Variants in ADARB1 observed in about 807,000 individuals in gnomAD.
ADARB1 encodes the protein adenosine deaminase RNA specific B1.
In ADARB1, 10 loss-of-function variants were observed where a neutral mutation model predicts 52.4. That is an observed-to-expected ratio of 0.19 (90% CI 0.12 to 0.32). The LOEUF (loss-of-function observed/expected upper bound fraction) is 0.32, where lower values mean the gene tolerates loss of function less well. Ranked by LOEUF, ADARB1 falls within the 10% of genes least tolerant of loss-of-function variation. The pLI, the probability that ADARB1 is intolerant of heterozygous loss-of-function variation, is 1.00. For synonymous variants in ADARB1, 349 were observed against 371.1 expected (o/e 0.94, Z 0.68); for missense variants, 643 against 922.3 (o/e 0.70, Z 3.92).
intron 2 of ADARB1, among the ~76,000 whole-genome samples, chr21:45,129,705 T>C (rs2088814104): frequency 6.6e-6 from 1 of 151,556 alleles, no homozygotes; most frequent in Non-Finnish European, 1.5e-5. Flanking sequence ...CAGATGGGAG[T>C]GGCTGGTGCA....
intron 1 of ADARB1, among the ~76,000 whole-genome samples, chr21:45,113,659 A>G (rs1163766683): frequency 6.6e-6 from 1 of 151,916 alleles, no homozygotes; most frequent in Non-Finnish European, 1.5e-5. Context: ...CTGCCCTGAG[A>G]GTTGGACCTG....
At position 45,225,686 on chromosome 21, in the gene ADARB1, A is replaced by C; in HGVS notation, c.*3489A>C. 1.4e-5 allele frequency: 12 copies of C among 854,596 alleles called. No homozygotes were observed. Among genetic ancestry groups the C allele is most frequent in the Non-Finnish European group, 1.8e-5 (11 of 617,228 alleles). 52.9% of individuals were successfully genotyped at this position (854,596 alleles called of 1,614,324 possible). A position where few individuals can be genotyped will look rare whatever the true frequency, so the allele number is the denominator to read the frequency against. On this transcript the variant is annotated 3_prime_UTR_variant, in exon 11 of 11. Coordinates refer to ENST00000348831, the MANE Select transcript of ADARB1 (RefSeq NM_001112.4). ...TGTACAGTGGCTCTTTTTCCTTCTC[A>C]AACACTTTACCCCAGAAGCAGGTGG...
chr21:45,126,551 G>A (rs899752567), intron 1 of ADARB1, among the ~76,000 whole-genome samples: 1 of 152,134 alleles, frequency 6.6e-6, no homozygotes. Context: ...TGCGGCGGGT[G>A]TTCCTTGTGT....
At chr21:45,103,307 G>A (rs1265136992) in intron 1 of ADARB1, among the ~76,000 whole-genome samples, 2 of 152,094 alleles carry the variant, frequency 1.3e-5, no homozygotes, top group Non-Finnish European at 2.9e-5. Context: ...ATGGGCCGAG[G>A]TGGGGGCTGG....
At chr21:45,095,232 C>A (rs1263901385) in intron 1 of ADARB1, among the ~76,000 whole-genome samples, 3 of 152,248 alleles carry the variant, frequency 2.0e-5, no homozygotes, top group African/African-American at 7.2e-5. Context: ...AGGAGCCCTG[C>A]AGGTGCAGCC....
rs76409201 is a variant in ADARB1, at chr21:45,083,938, G to A, written c.-220+9145G>A. Among the ~76,000 whole-genome samples, 1,801 of 152,244 alleles carry A rather than the reference G, an allele frequency of 0.012. 85 individuals carry two copies. In the East Asian group the frequency reaches 0.15, roughly 13 times the overall value. On this transcript the variant is annotated intron_variant, in intron 1 of 10. Coordinates refer to ENST00000348831, the MANE Select transcript of ADARB1 (RefSeq NM_001112.4). Reference sequence around the variant, plus strand: ...CTGGTCTCGAGCTCCTGGACTCAAGGGATCCAATTGCCTCGGCCTCCCAAA... The same window carrying A: ...CTGGTCTCGAGCTCCTGGACTCAAGAGATCCAATTGCCTCGGCCTCCCAAA...
Position 45,223,080 on chromosome 21 carries a change from C to A in ADARB1, c.*883C>A. On this transcript the variant is annotated 3_prime_UTR_variant, in exon 11 of 11. Coordinates refer to ENST00000348831, the MANE Select transcript of ADARB1 (RefSeq NM_001112.4). ...TTAACTTTTATGGACTAGAAGGAAT[C>A]ACGAGGGCTACTGCACAATACATGG... 2.0e-6 allele frequency: 2 copies of A among 985,454 alleles called. No individual in the cohort carries two copies. Among genetic ancestry groups the A allele is most frequent in the South Asian group, 9.4e-5 (2 of 21,292 alleles). 61.0% of individuals were successfully genotyped at this position (985,454 alleles called of 1,614,324 possible).
At chr21:45,132,586 C>T (rs1166646668) in intron 2 of ADARB1, among the ~76,000 whole-genome samples, 2 of 152,134 alleles carry the variant, frequency 1.3e-5, no homozygotes, top group African/African-American at 2.4e-5. Context: ...GGCACTGGCT[C>T]CCCAGGGCAC....
intron 9 of ADARB1, among the ~76,000 whole-genome samples, chr21:45,211,780 C>T (rs1220326801): frequency 6.6e-6 from 1 of 152,162 alleles, no homozygotes; most frequent in Non-Finnish European, 1.5e-5. Context: ...GGTTTCTGTA[C>T]CGCGGCCTGG....
rs1310923948 is a variant in ADARB1 at position 45,119,627 on chromosome 21, GT to G, written c.-219-8774del. 3.3e-5 allele frequency among the ~76,000 whole-genome samples: 5 copies of G among 152,216 alleles called. 1 individual carries two copies. Among genetic ancestry groups the G allele is most frequent in the African/African-American group, 1.2e-4 (5 of 41,446 alleles). ...ACTTTGTTACACTTGCCTTGATGGT[GT>G]GTTGCAAGTTAGTTAAATTTCATAT... On this transcript the variant is annotated intron_variant, in intron 1 of 10. Coordinates refer to ENST00000348831, the MANE Select transcript of ADARB1 (RefSeq NM_001112.4).
rs1160333968 is a variant in ADARB1, at chr21:45,176,197, A to T, written c.496A>T (p.Thr166Ser). The part of the protein sequence containing the change: ...GRTLSVNTDF[T>S]SDQADFPDTL... ...GACCCTGTCTGTCAACACGGACTTC[A>T]CATCTGACCAGGCCGACTTCCCTGA... Residue 166 changes from threonine (T) to serine (S), a missense_variant, in exon 4 of 11, where the codon ACA (threonine) becomes TCA (serine). Thr to Ser is a moderately conservative substitution (Grantham distance 58). Transcript: ENST00000348831. The surrounding 1 kb of genome is among the most constrained non-coding windows in gnomAD (Gnocchi z 5.8). 9.9e-6 allele frequency: 16 copies of T among 1,614,144 alleles called. No homozygotes were observed. Among genetic ancestry groups the T allele is most frequent in the Non-Finnish European group, 1.4e-5 (16 of 1,180,022 alleles).
chr21:45,158,588 A>C (rs1434873189), intron 2 of ADARB1, among the ~76,000 whole-genome samples: 3 of 152,080 alleles, frequency 2.0e-5, no homozygotes, highest in Admixed American at 1.3e-4. Flanking sequence ...GACCTCCCCG[A>C]GGCCACTGTG....
chr21:45,090,588 G>T (rs1463629183), intron 1 of ADARB1, among the ~76,000 whole-genome samples: 3 of 152,122 alleles, frequency 2.0e-5, no homozygotes, highest in Admixed American at 2.0e-4. Context: ...TCATGAACAG[G>T]TATAAGTATA....
At chr21:45,186,814 T>G (rs953931301) in intron 8 of ADARB1, among the ~76,000 whole-genome samples, 1 of 152,190 alleles carries the variant, frequency 6.6e-6, no homozygotes, top group African/African-American at 2.4e-5. Flanking sequence ...CTTTGAGTAG[T>G]CTTGCACTCT....
In ADARB1 at chr21:45,224,071, C is replaced by T. The variant is rs114610621; in HGVS notation, c.*1874C>T. ...AGAGGGGTCTGTTGTCGCTGGCTTT[C>T]CCCCAAGCAGGCTCTTGCACACTCT... is the stretch of plus-strand genomic sequence containing the variant. On this transcript the variant is annotated 3_prime_UTR_variant, in exon 11 of 11. Transcript: ENST00000348831. 4.9e-4 allele frequency: 482 copies of T among 985,418 alleles called. 1 individual carries two copies. In the African/African-American group the frequency reaches 8.1e-3, roughly 17 times the overall value. 61.0% of individuals were successfully genotyped at this position (985,418 alleles called of 1,614,324 possible).
At chr21:45,077,481 C>T (rs566948251) in intron 1 of ADARB1, among the ~76,000 whole-genome samples, 5 of 152,058 alleles carry the variant, frequency 3.3e-5, no homozygotes, top group South Asian at 2.1e-4. Flanking sequence ...CTTGCTAACA[C>T]GGTGAAAACC....
chr21:45,219,384 C>CA (rs964454987), intron 9 of ADARB1, among the ~76,000 whole-genome samples: 4 of 152,088 alleles, frequency 2.6e-5, no homozygotes, highest in African/African-American at 9.7e-5. Context: ...ACCAGCTGGG[C>CA]ATGGTGGCAC....
At chr21:45,201,495 G>C (rs1048941376) in intron 8 of ADARB1, among the ~76,000 whole-genome samples, 1 of 152,200 alleles carries the variant, frequency 6.6e-6, no homozygotes, top group Non-Finnish European at 1.5e-5. Context: ...TAGAAGAAAG[G>C]GGCCTGTGTT....
intron 8 of ADARB1, 66 bp downstream of exon 8, chr21:45,185,157 C>A: frequency 6.5e-7 from 1 of 1,537,676 alleles, no homozygotes; most frequent in Non-Finnish European, 8.8e-7. Flanking sequence ...TGTTTGCCAA[C>A]CTCCCTTTTC....
Sources: gnomAD v4.1 joint callset for allele counts (sites outside exome capture counted in the v4.1 genomes callset) on GRCh38, gnomAD v4.1.1 for gene constraint, Gnocchi (gnomAD v3.1) non-coding constraint, MANE v1.5 for transcripts, NCBI Gene and HGNC (gene_info 2026-07-23, HGNC 2026-07-21) for gene names.